Variants in SPTBN1 observed in about 807,000 individuals in gnomAD.
The protein encoded by SPTBN1 is spectrin beta chain, non-erythrocytic 1.
SPTBN1 carries 32 observed loss-of-function variants against 266.4 expected under a neutral mutation model. The observed-to-expected ratio is 0.12, with a 90% CI of 0.09 to 0.16. The LOEUF is 0.16. Ranked by LOEUF, SPTBN1 falls within the 10% of genes least tolerant of loss-of-function variation. SPTBN1 has a pLI of 1.00. For synonymous variants in SPTBN1, 1,336 were observed against 1,162.2 expected, an observed-to-expected ratio of 1.15 and a Z score of -3.04; for missense variants, 2,296 against 3,067.1, an observed-to-expected ratio of 0.75 and a Z score of 5.94.
chr2:54,568,038 A>G (rs977698170), intron 2 of SPTBN1, among the ~76,000 whole-genome samples: 1 of 152,168 alleles, frequency 6.6e-6, no homozygotes, highest in Non-Finnish European at 1.5e-5. Context: ...CTAAGTCAGA[A>G]TCTCGTCTTT....
At chr2:54,486,682 A>G (rs193214243) in intron 1 of SPTBN1, among the ~76,000 whole-genome samples, 1 of 151,982 alleles carries the variant, frequency 6.6e-6, no homozygotes, top group Non-Finnish European at 1.5e-5. Flanking sequence ...ACCCTGCCAA[A>G]TCCCCCTCTG....
At chr2:54,585,050 T>C (rs1382997953) in intron 2 of SPTBN1, among the ~76,000 whole-genome samples, 1 of 152,346 alleles carries the variant, frequency 6.6e-6, no homozygotes, top group East Asian at 1.9e-4. Context: ...GCAAGAGGTT[T>C]ACATTTCCAA....
At chr2:54,597,945 A>G (rs1358947484) in intron 2 of SPTBN1, among the ~76,000 whole-genome samples, 1 of 122,256 alleles carries the variant, frequency 8.2e-6, no homozygotes. Flanking sequence ...AGTAGGTCTT[A>G]GATTTTTGGC....
At position 54,667,628 on chromosome 2, in the gene SPTBN1, C is replaced by G. The variant is rs530042405; in HGVS notation, c.6858C>G (p.Leu2286=). The G allele has an allele frequency of 2.9e-5, 46 of 1,613,932 alleles. No individual in the cohort carries two copies. In the South Asian group the frequency reaches 5.1e-4, roughly 18 times the overall value. ...GACTAAATGATGGCAATGAGTACCT[C>G]TTCCAAGCCAAAGACGATGTAAGTT... ...KLRLNDGNEY[L]FQAKDDEEMN... Residue 2286 remains leucine (L), a synonymous_variant, in exon 35 of 36, where the codon CTC becomes CTG. Transcript: ENST00000356805.
chr2:54,630,222 G>T (rs1215789804), intron 15 of SPTBN1, among the ~76,000 whole-genome samples, 193 bp downstream of exon 15: 1 of 152,214 alleles, frequency 6.6e-6, no homozygotes, highest in Non-Finnish European at 1.5e-5. Flanking sequence ...CAACATCATT[G>T]GTTGCAGGAG....
intron 1 of SPTBN1, among the ~76,000 whole-genome samples, chr2:54,464,828 C>T (rs552070939): frequency 4.6e-5 from 7 of 152,130 alleles, no homozygotes; most frequent in African/African-American, 1.4e-4. Context: ...TAGTTGCAGG[C>T]GTGTACCACC....
chr2:54,590,087 A>C (rs892098147), intron 2 of SPTBN1, among the ~76,000 whole-genome samples: 1 of 152,240 alleles, frequency 6.6e-6, no homozygotes, highest in Non-Finnish European at 1.5e-5. Flanking sequence ...TTTACCGTAC[A>C]GGTATGTGGT....
At chr2:54,466,184 A>G in intron 1 of SPTBN1, among the ~76,000 whole-genome samples, 1 of 152,194 alleles carries the variant, frequency 6.6e-6, no homozygotes, top group East Asian at 1.9e-4. Context: ...TTTAATATAC[A>G]AATTTGAAGC....
rs1681523160 is a variant in SPTBN1, at chr2:54,668,436, C to T, written c.6962C>T (p.Pro2321Leu). 1 of 1,614,112 alleles carries T rather than the reference C, an allele frequency of 6.2e-7. No homozygotes were observed. The highest frequency in any genetic ancestry group is 8.5e-7 in the Non-Finnish European group (1 of 1,180,056). Reference sequence around the variant, plus strand: ...GTGTCTGCCAGCACCCAGAGCACGCCAGCATCCAGCCGCGCGCAGACCCTC... The same window carrying T: ...GTGTCTGCCAGCACCCAGAGCACGCTAGCATCCAGCCGCGCGCAGACCCTC... The part of the protein sequence containing the change: ...HEVSASTQST[P>L]ASSRAQTLPT... The change falls in exon 36 of 36, where the codon CCA becomes CTA. Residue 2321 changes from proline to leucine, a missense_variant. By Grantham distance (98) the Pro-to-Leu change is moderately conservative. Coordinates refer to ENST00000356805, the MANE Select transcript of SPTBN1 (RefSeq NM_003128.3).
Position 54,475,808 on chromosome 2 carries a change from A to T in SPTBN1, c.-48+19290A>T, listed in dbSNP as rs144173751. Among the ~76,000 whole-genome samples the T allele has an allele frequency of 6.9e-3, 1,052 of 152,354 alleles. 6 individuals carry two copies. The highest frequency in any genetic ancestry group is 0.01 in the Middle Eastern group (3 of 294). On this transcript the variant is annotated intron_variant, in intron 1 of 35. Transcript: ENST00000356805. ...TATGAATTTAGACAAATTATGTAAT[A>T]GAGTTTTAGTTTTCTTGTGTCAAAG...
At chr2:54,654,358 A>G (rs1341727178) in intron 27 of SPTBN1, among the ~76,000 whole-genome samples, 1 of 152,148 alleles carries the variant, frequency 6.6e-6, no homozygotes, top group Admixed American at 6.5e-5. Context: ...TATTTGTCCT[A>G]TATCTTTGGC....
chr2:54,608,691 CATGCGCGCACGAGT>C (rs1677015497), intron 3 of SPTBN1, among the ~76,000 whole-genome samples: 1 of 151,262 alleles, frequency 6.6e-6, no homozygotes. Context: ...CGTGTGTGTG[CATGCGCGCACGAGT>C]GCGCGCATGC....
chr2:54,559,220 G>A (rs1217071516), intron 2 of SPTBN1, among the ~76,000 whole-genome samples: 2 of 152,042 alleles, frequency 1.3e-5, no homozygotes, highest in African/African-American at 4.8e-5. Flanking sequence ...TTTGATTCCG[G>A]GTCGCCTCTG....
chr2:54,632,169 C>T (rs1300935072), intron 16 of SPTBN1, among the ~76,000 whole-genome samples: 4 of 151,156 alleles, frequency 2.6e-5, no homozygotes, highest in Non-Finnish European at 5.9e-5. Context: ...GGGACTTCAC[C>T]TGAGGACACA....
chr2:54,458,221 T>A (rs1448231230), intron 1 of SPTBN1, among the ~76,000 whole-genome samples: 1 of 152,236 alleles, frequency 6.6e-6, no homozygotes, highest in Non-Finnish European at 1.5e-5. Context: ...ATGAAATGAT[T>A]AATGCATTTT....
chr2:54,670,761 T>A lies in SPTBN1; in HGVS notation c.*2192T>A, dbSNP rs530865410. On this transcript the variant is annotated 3_prime_UTR_variant, in exon 36 of 36. Transcript: ENST00000356805. The stretch of plus-strand genomic sequence containing the variant: ...TCAACAGTTCGCAGATCTGTAGTTA[T>A]GAAGCCAGGGTTTGGTGGTATTTGC... 1.5e-5 allele frequency: 6 copies of A among 398,476 alleles called. No individual in the cohort carries two copies. Among genetic ancestry groups the A allele is most frequent in the South Asian group, 2.5e-4 (2 of 7,860 alleles). The allele number at this position is 398,476 out of a possible 1,614,324, so 24.7% of individuals were successfully genotyped here.
intron 2 of SPTBN1, among the ~76,000 whole-genome samples, chr2:54,551,505 G>C (rs1409577762): frequency 6.6e-6 from 1 of 152,216 alleles, no homozygotes; most frequent in African/African-American, 2.4e-5. Context: ...GGTTTGGCTG[G>C]GGTAGAAGAT....
chr2:54,664,304 C>T lies in SPTBN1; in HGVS notation c.6421-149C>T. 1.3e-6 allele frequency: 1 copy of T among 745,034 alleles called. No individual in the cohort carries two copies. The highest frequency in any genetic ancestry group is 2.2e-6 in the Non-Finnish European group (1 of 448,534). 46.2% of individuals were successfully genotyped at this position (745,034 alleles called of 1,614,324 possible). On this transcript the variant is annotated intron_variant, in intron 32 of 35. Coordinates refer to ENST00000356805, the MANE Select transcript of SPTBN1 (RefSeq NM_003128.3). This position sits in a 1 kb window ranked among gnomAD's most constrained non-coding sequence, Gnocchi z 5.6. Reference sequence around the variant, plus strand: ...ACCTTCTAATGTCCTTGATGTCCAGCTGGCTTTGTGGGTGTGCAATGGTTT... The same window carrying T: ...ACCTTCTAATGTCCTTGATGTCCAGTTGGCTTTGTGGGTGTGCAATGGTTT...
intron 1 of SPTBN1, among the ~76,000 whole-genome samples, chr2:54,525,402 C>T (rs775306063): frequency 2.8e-4 from 42 of 152,262 alleles, no homozygotes; most frequent in Non-Finnish European, 5.3e-4. Flanking sequence ...TGCGCCACCA[C>T]GCCCAGCTAA....
Sources: allele counts gnomAD v4.1 joint callset (sites outside exome capture counted in the v4.1 genomes callset), GRCh38; gene constraint gnomAD v4.1.1; non-coding constraint Gnocchi (gnomAD v3.1); transcripts MANE v1.5; gene names NCBI Gene and HGNC (gene_info 2026-07-23, HGNC 2026-07-21).